Variants in CRACR2B observed in about 807,000 individuals in gnomAD.
The protein encoded by CRACR2B is EF-hand calcium-binding domain-containing protein 4A.
CRACR2B carries 50 observed loss-of-function variants against 46.0 expected under a neutral mutation model. That is an observed-to-expected ratio of 1.09 (90% CI 0.87 to 1.38). The LOEUF (loss-of-function observed/expected upper bound fraction) is 1.38, where lower values mean the gene tolerates loss of function less well. CRACR2B is among the 40% of genes most tolerant of loss of function. The pLI is 0.00. For missense variants in CRACR2B, 667 were observed against 535.0 expected (o/e 1.25, Z -2.43); for synonymous variants, 277 against 239.6 (o/e 1.16, Z -1.44).
Position 828,910 on chromosome 11 carries a change from T to C in CRACR2B, c.224T>C (p.Leu75Pro), listed in dbSNP as rs1372995952. 3.1e-6 allele frequency: 5 copies of C among 1,609,156 alleles called. No individual in the cohort carries two copies. Among genetic ancestry groups the C allele is most frequent in the Non-Finnish European group, 4.2e-6 (5 of 1,179,964 alleles). The change falls in exon 2 of 9, where the codon CTG (leucine) becomes CCG (proline). Residue 75 changes from leucine (L) to proline (P), a missense_variant. By Grantham distance (98) the Leu-to-Pro change is moderately conservative. Coordinates refer to ENST00000525077, the MANE Select transcript of CRACR2B (RefSeq NM_001286606.2). ...CAGCTGGAGGCTGTGTTTGAAAGTC[T>C]GGACCGGGCTCACACTGGCTTCCTC... ...PEQLEAVFES[L>P]DRAHTGFLTA... is the part of the protein sequence containing the mutation.
At chr11:829,060 C>G (rs759623092) in intron 2 of CRACR2B, 97 bp downstream of exon 2, 3 of 1,477,842 alleles carry the variant, frequency 2.0e-6, no homozygotes, top group East Asian at 2.3e-5. Context: ...CGGTGCCTCT[C>G]GTCCTCCTCC....
chr11:828,834 C>A lies in CRACR2B; in HGVS notation c.166-18C>A, dbSNP rs749362848. On this transcript the variant is annotated intron_variant, in intron 1 of 8. Coordinates refer to ENST00000525077, the MANE Select transcript of CRACR2B (RefSeq NM_001286606.2). ...GGTTGACCGCAGCGGCTCATCTCTGCTCTCCTTCCCCGACCAGGGTCTCCA... is the reference window on the plus strand; with the variant it reads ...GGTTGACCGCAGCGGCTCATCTCTGATCTCCTTCCCCGACCAGGGTCTCCA... The A allele has an allele frequency of 6.2e-7, 1 of 1,611,298 alleles. No homozygotes were observed. Among genetic ancestry groups the A allele is most frequent in the Non-Finnish European group, 8.5e-7 (1 of 1,179,530 alleles).
intron 2 of CRACR2B, 78 bp from the exon 3 acceptor site, chr11:829,282 A>T: frequency 6.6e-7 from 1 of 1,515,596 alleles, no homozygotes; most frequent in Non-Finnish European, 8.8e-7. Context: ...AGGGCAGGAT[A>T]CTCGTTGGGA....
chr11:829,861 T>G (rs1251281178), intron 3 of CRACR2B, 125 bp from the exon 4 acceptor site: 1 of 1,430,586 alleles, frequency 7.0e-7, no homozygotes, highest in African/African-American at 1.4e-5. Flanking sequence ...AGGGATGCCC[T>G]GCACGCAGCA....
rs1237954636 is a variant in CRACR2B, at chr11:830,236, C to T, written c.606-14C>T. 5.3e-6 allele frequency: 8 copies of T among 1,501,278 alleles called. No individual in the cohort carries two copies. The highest frequency in any genetic ancestry group is 7.1e-6 in the Non-Finnish European group (8 of 1,122,844). The allele number at this position is 1,501,278 out of a possible 1,614,324, so 93.0% of individuals were successfully genotyped here. ...CTGGCAAGTTCTCATCCGGGGTCGCCCGGTCCCCCGAAGGCGCGAGAGCGA... is the reference window on the plus strand; with the variant it reads ...CTGGCAAGTTCTCATCCGGGGTCGCTCGGTCCCCCGAAGGCGCGAGAGCGA... On this transcript the variant is annotated splice_polypyrimidine_tract_variant and intron_variant, in intron 4 of 8. Transcript: ENST00000525077.
Position 830,951 on chromosome 11 carries a change from T to C in CRACR2B, c.872T>C (p.Leu291Pro). ...NSQLWRAHEA[L>P]RTQLEGAQEQ... ...CAGCTGTGGCGGGCGCACGAGGCGC[T>C]GCGAACGCAGCTGGAGGGGGCGCAG... The change falls in exon 7 of 9, where the codon CTG becomes CCG. Residue 291 changes from leucine (L) to proline (P), a missense_variant. Coordinates refer to ENST00000525077, the MANE Select transcript of CRACR2B (RefSeq NM_001286606.2). 6.5e-7 allele frequency: 1 copy of C among 1,533,236 alleles called. No individual in the cohort carries two copies. The highest frequency in any genetic ancestry group is 1.2e-5 in the South Asian group (1 of 83,920). 95.0% of individuals were successfully genotyped at this position (1,533,236 alleles called of 1,614,324 possible).
At chr11:830,453 T>C (rs1846309587) in intron 5 of CRACR2B, 116 bp downstream of exon 5, 3 of 1,535,952 alleles carry the variant, frequency 2.0e-6, no homozygotes, top group African/African-American at 2.7e-5. Flanking sequence ...GGGTCCAGGC[T>C]GCCCTCAGCC....
chr11:829,211 CTT>C (rs1472595670), intron 2 of CRACR2B, 147 bp from the exon 3 acceptor site: 19 of 1,435,082 alleles, frequency 1.3e-5, no homozygotes, highest in Middle Eastern at 3.6e-4. Flanking sequence ...CCTGTCACCT[CTT>C]GTTTCCAGGC....
At position 827,990 on chromosome 11, in the gene CRACR2B, C is replaced by T. The variant is rs966828110; in HGVS notation, c.-618C>T. 2.0e-5 allele frequency among the ~76,000 whole-genome samples: 3 copies of T among 152,066 alleles called. No homozygotes were observed. Among genetic ancestry groups the T allele is most frequent in the South Asian group, 2.1e-4 (1 of 4,830 alleles). ...TGAGTGGGGCGTCAGAGGCGAAGGG[C>T]TCTGCAGGCTGGGACCTTGCCCCTG... On this transcript the variant is annotated 5_prime_UTR_variant, in exon 1 of 9. Coordinates refer to ENST00000525077, the MANE Select transcript of CRACR2B (RefSeq NM_001286606.2).
chr11:828,741 C>T lies in CRACR2B; in HGVS notation c.134C>T (p.Ala45Val), dbSNP rs767348897. The T allele has an allele frequency of 5.4e-5, 87 of 1,613,516 alleles. No homozygotes were observed. The highest frequency in any genetic ancestry group is 5.5e-5 in the South Asian group (5 of 91,084). Residue 45 changes from alanine (A) to valine (V), a missense_variant, in exon 1 of 9, where the codon GCT becomes GTT. Transcript: ENST00000525077. ...CTGTTTCTGCTGTGTGACAAGGAGG[C>T]TAAGGGCTTCATCACCAAGCACGAC... ...EELFLLCDKE[A>V]KGFITKHDLQ...
intron 2 of CRACR2B, 98 bp from the exon 3 acceptor site, chr11:829,262 G>A: frequency 1.3e-6 from 2 of 1,493,056 alleles, no homozygotes; most frequent in Non-Finnish European, 8.9e-7. Flanking sequence ...AGGAAACTGG[G>A]CCCTGAGAGA....
chr11:831,252 CAGAAAG>C lies in CRACR2B; in HGVS notation c.989_994del (p.Glu330_Lys331del), dbSNP rs1328783190. 24 of 1,610,754 alleles carry C rather than the reference CAGAAAG, an allele frequency of 1.5e-5. No homozygotes were observed. Among genetic ancestry groups the C allele is most frequent in the Non-Finnish European group, 2.0e-5 (24 of 1,179,362 alleles). On this transcript the variant is annotated inframe_deletion, in exon 8 of 9. Transcript: ENST00000525077. Reference sequence around the variant, plus strand: ...CGTGGTCGCCGTCTCCAGGAACATGCAGAAAGAGAAAGTCAGCCTGCTACGGCAACT... The same window carrying C: ...CGTGGTCGCCGTCTCCAGGAACATGCAGAAAGTCAGCCTGCTACGGCAACT...
rs1846358041 is a variant in CRACR2B at position 830,908 on chromosome 11, G to A, written c.829G>A (p.Ala277Thr). 1 of 1,532,238 alleles carries A rather than the reference G, an allele frequency of 6.5e-7. No homozygotes were observed. Among genetic ancestry groups the A allele is most frequent in the Admixed American group, 2.0e-5 (1 of 50,884 alleles). 94.9% of individuals were successfully genotyped at this position (1,532,238 alleles called of 1,614,324 possible). Residue 277 changes from alanine (A) to threonine (T), a missense_variant, in exon 7 of 9, where the codon GCA (alanine) becomes ACA (threonine). By Grantham distance (58) the Ala-to-Thr change is moderately conservative. Coordinates refer to ENST00000525077, the MANE Select transcript of CRACR2B (RefSeq NM_001286606.2). ...LHAQAAEHLE[A>T]QAQNSQLWRA... ...CGCCCAGGCTGCGGAGCACCTGGAG[G>A]CACAGGCCCAGAACTCCCAGCTGTG...
At position 829,648 on chromosome 11, in the gene CRACR2B, G is replaced by A. The variant is rs115107760; in HGVS notation, c.458+108G>A. ...TGGTTCTGCACAGGGTCTCTAGGCC[G>A]GGTCAGGCCCAGCCTAGCGTCAGCT... On this transcript the variant is annotated intron_variant, in intron 3 of 8. Transcript: ENST00000525077. 8.3e-5 allele frequency: 103 copies of A among 1,248,186 alleles called. No homozygotes were observed. The African/African-American group carries it at 1.4e-3, about 17-fold the overall frequency. The allele number at this position is 1,248,186 out of a possible 1,614,324, so 77.3% of individuals were successfully genotyped here.
At chr11:829,026 C>A (rs777026806) in intron 2 of CRACR2B, 63 bp downstream of exon 2, 15 of 1,578,316 alleles carry the variant, frequency 9.5e-6, no homozygotes, top group African/African-American at 2.7e-5. Context: ...GGAGGCCTGG[C>A]ACTTGTGGCG....
In CRACR2B at chr11:831,304, A is replaced by T. The variant is rs1846411729; in HGVS notation, c.1025+9A>T. The T allele has an allele frequency of 6.2e-7, 1 of 1,603,442 alleles. No homozygotes were observed. The highest frequency in any genetic ancestry group is 1.3e-5 in the African/African-American group (1 of 74,118). Reference sequence around the variant, plus strand: ...CAACTGGAGCTGCTCAGGTACGGTCAGGCTCAGGCCCGAGAGGGAATGGGC... The same window carrying T: ...CAACTGGAGCTGCTCAGGTACGGTCTGGCTCAGGCCCGAGAGGGAATGGGC... On this transcript the variant is annotated intron_variant, in intron 8 of 8. Coordinates refer to ENST00000525077, the MANE Select transcript of CRACR2B (RefSeq NM_001286606.2).
Position 829,124 on chromosome 11 carries a change from C to T in CRACR2B, c.277+161C>T, listed in dbSNP as rs966385437. On this transcript the variant is annotated intron_variant, in intron 2 of 8. Coordinates refer to ENST00000525077, the MANE Select transcript of CRACR2B (RefSeq NM_001286606.2). ...ACTCGCGCCTGGGGGCTCCTAGCTG[C>T]GGTGGAGTGTGTGGAGCTGACCTTC... 17 of 1,256,142 alleles carry T rather than the reference C, an allele frequency of 1.4e-5. No individual in the cohort carries two copies. In the Admixed American group the frequency reaches 1.8e-4, roughly 13 times the overall value. The allele number at this position is 1,256,142 out of a possible 1,614,324, so 77.8% of individuals were successfully genotyped here.
chr11:829,487 G>C lies in CRACR2B; in HGVS notation c.405G>C (p.Glu135Asp). Residue 135 changes from glutamate (E) to aspartate (D), a missense_variant, in exon 3 of 9, where the codon GAG becomes GAC. By Grantham distance (45) the Glu-to-Asp change is conservative. Coordinates refer to ENST00000525077, the MANE Select transcript of CRACR2B (RefSeq NM_001286606.2). ...AGSLDEEEEE[E>D]ERFHTVLEQL... The stretch of plus-strand genomic sequence containing the variant: ...CTCTGGATGAGGAGGAGGAAGAGGA[G>C]GAGCGATTCCACACTGTGCTGGAGC... 1 of 1,608,160 alleles carries C rather than the reference G, an allele frequency of 6.2e-7. No individual in the cohort carries two copies. Among genetic ancestry groups the C allele is most frequent in the Non-Finnish European group, 8.5e-7 (1 of 1,178,270 alleles).
At chr11:826,224 C>G (rs908079201), upstream of CRACR2B, 2 of 152,316 alleles carry the variant, frequency 1.3e-5, no homozygotes, top group Admixed American at 1.3e-4. Flanking sequence ...AGGCCTTGTA[C>G]CCCCCAGGGT....
Sources: gnomAD v4.1 joint callset for allele counts (sites outside exome capture counted in the v4.1 genomes callset) on GRCh38, gnomAD v4.1.1 for gene constraint, MANE v1.5 for transcripts, NCBI Gene and HGNC (gene_info 2026-07-23, HGNC 2026-07-21) for gene names.